The following UBTD2 variants were observed in gnomAD, a reference collection of about 807,000 sequenced individuals.
The protein encoded by UBTD2 is ubiquitin domain containing 2, also known as ubiquitin domain-containing protein 2.
A neutral mutation model predicts 19.8 loss-of-function variants in UBTD2; 9 were observed. That is an observed-to-expected ratio of 0.46 (90% CI 0.27 to 0.79). UBTD2 has a LOEUF of 0.79. UBTD2 is among the 30% of genes least tolerant of loss of function. UBTD2 has a pLI of 0.14. For missense variants in UBTD2, 250 were observed against 300.4 expected (o/e 0.83, Z 1.24); for synonymous variants, 98 against 103.9 (o/e 0.94, Z 0.35).
At chr5:172,229,308 G>A (rs923374892) in intron 2 of UBTD2, among the ~76,000 whole-genome samples, 4 of 151,914 alleles carry the variant, frequency 2.6e-5, no homozygotes, top group Admixed American at 2.6e-4. Flanking sequence ...AGACCATCCT[G>A]GCTAACACGG....
At chr5:172,229,651 C>G (rs1457388461) in intron 2 of UBTD2, among the ~76,000 whole-genome samples, 3 of 151,752 alleles carry the variant, frequency 2.0e-5, no homozygotes, top group African/African-American at 7.3e-5. Flanking sequence ...TCTAGAAAAT[C>G]AGGAGGTAGA....
chr5:172,251,314 C>CAAAA (rs57577423), intron 1 of UBTD2, among the ~76,000 whole-genome samples: 1 of 118,218 alleles, frequency 8.5e-6, no homozygotes. Flanking sequence ...GAGCCTATCT[C>CAAAA]AAAAAAAAAA....
rs1771964082 is a variant in UBTD2, at chr5:172,234,225, T to C, written c.204A>G (p.Lys68=). ...WDTAPAFEGR[K]EIWDALKAAA... The stretch of plus-strand genomic sequence containing the variant: ...CAGCCTTCAAGGCATCCCAAATCTC[T>C]TTCCGGCCTTCAAAAGCTGGTGCTG... Residue 68 remains lysine, a synonymous_variant, in exon 2 of 3, where the codon AAA becomes AAG. Transcript: ENST00000393792. 6.2e-7 allele frequency: 1 copy of C among 1,614,192 alleles called. No individual in the cohort carries two copies. The highest frequency in any genetic ancestry group is 1.1e-5 in the South Asian group (1 of 91,090).
intron 1 of UBTD2, among the ~76,000 whole-genome samples, chr5:172,246,483 C>T (rs1405180080): frequency 1.4e-5 from 2 of 139,612 alleles, no homozygotes; most frequent in Non-Finnish European, 3.0e-5. Context: ...TTCACTCCGT[C>T]GCCCAGGCTG....
intron 2 of UBTD2, among the ~76,000 whole-genome samples, chr5:172,228,043 C>A (rs1771806556): frequency 6.6e-6 from 1 of 152,090 alleles, no homozygotes; most frequent in Non-Finnish European, 1.5e-5. Flanking sequence ...CTTAATGGGC[C>A]TCTGAAACAC....
At chr5:172,251,314 C>A (rs866816014) in intron 1 of UBTD2, among the ~76,000 whole-genome samples, 247 of 118,178 alleles carry the variant, frequency 2.1e-3, no homozygotes, top group South Asian at 2.9e-3. Context: ...GAGCCTATCT[C>A]AAAAAAAAAA....
rs931121946 is a variant in UBTD2 at position 172,260,519 on chromosome 5, T to C, written c.70+23077A>G. On this transcript the variant is annotated intron_variant, in intron 1 of 2. Coordinates refer to ENST00000393792, the MANE Select transcript of UBTD2 (RefSeq NM_152277.3). ...GTGCTTGCCTTATGCAGGTATATCATAGGTTTTAGTCAGCAAATTTAGTAT... is the reference window on the plus strand; with the variant it reads ...GTGCTTGCCTTATGCAGGTATATCACAGGTTTTAGTCAGCAAATTTAGTAT... 2.2e-4 allele frequency among the ~76,000 whole-genome samples: 34 copies of C among 152,180 alleles called. 1 individual carries two copies. Among genetic ancestry groups the C allele is most frequent in the Non-Finnish European group, 5.9e-5 (4 of 68,040 alleles).
At chr5:172,247,608 TAA>T (rs148572960) in intron 1 of UBTD2, among the ~76,000 whole-genome samples, 87 of 152,280 alleles carry the variant, frequency 5.7e-4, no homozygotes, top group South Asian at 1.9e-3. Flanking sequence ...TTACTAAAGA[TAA>T]AAAGAGATGT....
In UBTD2 at chr5:172,210,598, T is replaced by G. The variant is rs1213816463; in HGVS notation, c.*1232A>C. ...GCAAAAGGCTCTTAATTTGCTTCTT[T>G]GCTACAAAAGATGAGGGAGGAAAAT... On this transcript the variant is annotated 3_prime_UTR_variant, in exon 3 of 3. Coordinates refer to ENST00000393792, the MANE Select transcript of UBTD2 (RefSeq NM_152277.3). 1 of 152,186 alleles carries G rather than the reference T, an allele frequency of 6.6e-6. No homozygotes were observed. Among genetic ancestry groups the G allele is most frequent in the African/African-American group, 2.4e-5 (1 of 41,418 alleles). The allele number at this position is 152,186 out of a possible 1,614,324, so 9.4% of individuals were successfully genotyped here.
chr5:172,254,065 G>A (rs1001258100), intron 1 of UBTD2, among the ~76,000 whole-genome samples: 1 of 152,028 alleles, frequency 6.6e-6, no homozygotes, highest in African/African-American at 2.4e-5. Context: ...TTAGATAATG[G>A]GAGGCAGGAC....
chr5:172,283,661 C>A lies in UBTD2; in HGVS notation c.5G>T (p.Gly2Val). 8.0e-7 allele frequency: 1 copy of A among 1,243,404 alleles called. No homozygotes were observed. Among genetic ancestry groups the A allele is most frequent in the Non-Finnish European group, 1.0e-6 (1 of 989,290 alleles). 77.0% of individuals were successfully genotyped at this position (1,243,404 alleles called of 1,614,324 possible). ...GTCGTGCTGGGCGCCCACACACCCG[C>A]CCATGGGGGCCCCCGGCGCCTCGTC... M[G>V]GCVGAQHDSS... Residue 2 changes from glycine (G) to valine (V), a missense_variant, in exon 1 of 3, where the codon GGC becomes GTC. Coordinates refer to ENST00000393792, the MANE Select transcript of UBTD2 (RefSeq NM_152277.3). The surrounding 1 kb of genome is among the most constrained non-coding windows in gnomAD (Gnocchi z 4.3).
Position 172,223,181 on chromosome 5 carries a change from T to C in UBTD2, c.307+10941A>G, listed in dbSNP as rs10067141. Among the ~76,000 whole-genome samples, 1,017 of 152,308 alleles carry C rather than the reference T, an allele frequency of 6.7e-3. 13 individuals carry two copies. Among genetic ancestry groups the C allele is most frequent in the African/African-American group, 0.023 (951 of 41,564 alleles). The stretch of plus-strand genomic sequence containing the variant: ...GGGTTACAAGATTCTTTGCTTAGCT[T>C]TTAATTGTTCCAGGTTCCATGAGAT... On this transcript the variant is annotated intron_variant, in intron 2 of 2. Transcript: ENST00000393792.
At chr5:172,271,334 C>G (rs1475085830) in intron 1 of UBTD2, among the ~76,000 whole-genome samples, 1 of 150,982 alleles carries the variant, frequency 6.6e-6, no homozygotes, top group East Asian at 2.0e-4. Context: ...GAGGCTGAGG[C>G]AGGAGAATGG....
intron 1 of UBTD2, among the ~76,000 whole-genome samples, chr5:172,259,447 A>G (rs1055842672): frequency 6.6e-5 from 10 of 151,882 alleles, no homozygotes; most frequent in Non-Finnish European, 1.2e-4. Flanking sequence ...AGCCCTGTTG[A>G]GGGTTTTAAA....
At chr5:172,271,500 C>T (rs947271613) in intron 1 of UBTD2, among the ~76,000 whole-genome samples, 3 of 151,832 alleles carry the variant, frequency 2.0e-5, no homozygotes, top group East Asian at 1.9e-4. Flanking sequence ...CCCTGCCCCC[C>T]ACTCCTCCTT....
chr5:172,274,032 A>AG (rs755030177), intron 1 of UBTD2, among the ~76,000 whole-genome samples: 21 of 151,876 alleles, frequency 1.4e-4, no homozygotes, highest in Non-Finnish European at 2.8e-4. Flanking sequence ...AAAGCCCCAG[A>AG]GCTCACCGAC....
intron 1 of UBTD2, among the ~76,000 whole-genome samples, chr5:172,247,926 G>C (rs1754917434): frequency 6.6e-6 from 1 of 152,088 alleles, no homozygotes; most frequent in East Asian, 1.9e-4. Flanking sequence ...CTATATGTTA[G>C]ACCACAAAAC....
At chr5:172,269,694 TA>T (rs1755445753) in intron 1 of UBTD2, among the ~76,000 whole-genome samples, 1 of 132,292 alleles carries the variant, frequency 7.6e-6, no homozygotes, top group African/African-American at 2.9e-5. Context: ...AATTGGGAAC[TA>T]AGAGACACAG....
intron 1 of UBTD2, among the ~76,000 whole-genome samples, chr5:172,277,435 G>A (rs1191053593): frequency 1.3e-5 from 2 of 151,998 alleles, no homozygotes; most frequent in African/African-American, 2.4e-5. Flanking sequence ...GGTGATGCAC[G>A]GTGGCTCACG....
Sources: allele counts gnomAD v4.1 joint callset (sites outside exome capture counted in the v4.1 genomes callset), GRCh38; gene constraint gnomAD v4.1.1; non-coding constraint Gnocchi (gnomAD v3.1); transcripts MANE v1.5; gene names NCBI Gene and HGNC (gene_info 2026-07-23, HGNC 2026-07-21).